The following PALM2AKAP2 variants were observed in gnomAD, a reference collection of about 807,000 sequenced individuals.
The protein encoded by PALM2AKAP2 is PALM2-AKAP2 fusion protein.
Under a neutral mutation model 71.5 loss-of-function variants are expected in PALM2AKAP2, and 37 were observed. The observed-to-expected ratio is 0.52, with a 90% CI of 0.40 to 0.68. PALM2AKAP2 has a LOEUF of 0.68. PALM2AKAP2 is among the 30% of genes least tolerant of loss of function. PALM2AKAP2 has a pLI of 0.00. For missense variants in PALM2AKAP2, 1,224 were observed against 1,191.8 expected (o/e 1.03, Z -0.40); for synonymous variants, 468 against 478.8 (o/e 0.98, Z 0.29).
chr9:109,876,214 T>G (rs1829718197), intron 2 of PALM2AKAP2, among the ~76,000 whole-genome samples: 1 of 152,254 alleles, frequency 6.6e-6, no homozygotes, highest in East Asian at 1.9e-4. Context: ...AGGCAGCCAA[T>G]ACAAGCTAGC....
At chr9:109,819,781 A>G (rs1827947847) in intron 1 of PALM2AKAP2, among the ~76,000 whole-genome samples, 1 of 152,158 alleles carries the variant, frequency 6.6e-6, no homozygotes, top group South Asian at 2.1e-4. Flanking sequence ...CACTGCATAT[A>G]CAAAGATCAG....
intron 6 of PALM2AKAP2, among the ~76,000 whole-genome samples, chr9:110,001,282 A>G (rs1444307755): frequency 6.6e-6 from 1 of 152,130 alleles, no homozygotes; most frequent in East Asian, 1.9e-4. Flanking sequence ...TTGTTTCCCC[A>G]TTTCTTGTTT....
In PALM2AKAP2 at chr9:110,070,537, A is replaced by G. The variant is rs549863657; in HGVS notation, c.156+21682A>G. Among the ~76,000 whole-genome samples, 21 of 152,358 alleles carry G rather than the reference A, an allele frequency of 1.4e-4. No individual in the cohort carries two copies. The South Asian group carries it at 2.9e-3, about 21-fold the overall frequency. On this transcript the variant is annotated intron_variant, in intron 1 of 3. Transcript: ENST00000374525. Reference sequence around the variant, plus strand: ...TCTTTCAGTCGATCCTCTCATTTTTACAGACCAGAGGACTGAGAAAAGTAT... The same window carrying G: ...TCTTTCAGTCGATCCTCTCATTTTTGCAGACCAGAGGACTGAGAAAAGTAT...
At chr9:109,818,846 C>T (rs1384499658) in intron 1 of PALM2AKAP2, among the ~76,000 whole-genome samples, 1 of 152,168 alleles carries the variant, frequency 6.6e-6, no homozygotes, top group Non-Finnish European at 1.5e-5. Flanking sequence ...TTTATGTTGT[C>T]TGTGGCACAG....
chr9:110,095,765 C>G (rs191364069), intron 1 of PALM2AKAP2, among the ~76,000 whole-genome samples: 2 of 152,262 alleles, frequency 1.3e-5, no homozygotes, highest in Non-Finnish European at 2.9e-5. Flanking sequence ...TTTTTCTAGG[C>G]TGAATCACAT....
At chr9:109,943,012 T>G in intron 6 of PALM2AKAP2, 1 of 1,614,176 alleles carries the variant, frequency 6.2e-7, no homozygotes, top group Non-Finnish European at 8.5e-7. Context: ...AGAAGCTAAG[T>G]TAGAAATGGT....
chr9:110,031,594 T>C (rs1833278480), intron 7 of PALM2AKAP2, among the ~76,000 whole-genome samples: 1 of 152,182 alleles, frequency 6.6e-6, no homozygotes, highest in Non-Finnish European at 1.5e-5. Flanking sequence ...CACAACCCTA[T>C]GAGGTGGGTA....
intron 1 of PALM2AKAP2, among the ~76,000 whole-genome samples, chr9:109,753,574 G>A (rs978349100): frequency 1.3e-5 from 2 of 152,168 alleles, no homozygotes; most frequent in African/African-American, 2.4e-5. Context: ...AGCAAGCCAC[G>A]TTGACAGTTT....
chr9:109,644,874 G>T (rs191830500), intron 1 of PALM2AKAP2, among the ~76,000 whole-genome samples: 1 of 152,274 alleles, frequency 6.6e-6, no homozygotes, highest in Admixed American at 6.5e-5. Context: ...CCTCAGCCTG[G>T]ATTTCATTGT....
rs533041767 is a variant in PALM2AKAP2 at position 109,644,463 on chromosome 9, A to G, written c.5+3597A>G. 5.3e-5 allele frequency among the ~76,000 whole-genome samples: 8 copies of G among 152,172 alleles called. No individual in the cohort carries two copies. The East Asian group carries it at 9.7e-4, about 18-fold the overall frequency. ...TTTTATGTTTTAATTTAACCAACAA[A>G]CGTTTGTTGAGATTAGCACTGGTCA... On this transcript the variant is annotated intron_variant, in intron 1 of 6. Transcript: ENST00000374531.
intron 3 of PALM2AKAP2, among the ~76,000 whole-genome samples, chr9:109,907,508 C>T (rs913958997): frequency 6.6e-6 from 1 of 152,272 alleles, no homozygotes; most frequent in South Asian, 2.1e-4. Context: ...ATCTCTGAGC[C>T]GAGTATACCT....
In PALM2AKAP2 at chr9:110,136,330, AC is replaced by A; in HGVS notation, c.365del (p.Pro122ArgfsTer24). The A allele has an allele frequency of 1.9e-6, 3 of 1,613,790 alleles. No individual in the cohort carries two copies. Among genetic ancestry groups the A allele is most frequent in the Non-Finnish European group, 2.5e-6 (3 of 1,179,924 alleles). On this transcript the variant is annotated frameshift_variant, in exon 2 of 4. Coordinates refer to ENST00000374525, the Ensembl canonical transcript of PALM2AKAP2. LOFTEE classifies it high-confidence loss of function. ...TGGACCATCCCTCCGCTTTCTATTCACCCCCGCATAATGGCCTCCTTACTGA... is the reference window on the plus strand; with the variant it reads ...TGGACCATCCCTCCGCTTTCTATTCACCCCGCATAATGGCCTCCTTACTGA...
chr9:110,075,858 TTA>T (rs1409424004), intron 1 of PALM2AKAP2, among the ~76,000 whole-genome samples: 6 of 152,088 alleles, frequency 3.9e-5, no homozygotes, highest in Non-Finnish European at 7.4e-5. Flanking sequence ...GTTATATAAT[TTA>T]TATATGTCTA....
intron 6 of PALM2AKAP2, among the ~76,000 whole-genome samples, chr9:110,014,559 G>A (rs1832938443): frequency 6.6e-6 from 1 of 151,578 alleles, no homozygotes; most frequent in Non-Finnish European, 1.5e-5. Flanking sequence ...CATCACGTGA[G>A]GTCAGGAGTT....
chr9:109,791,260 T>C (rs1441706635), intron 1 of PALM2AKAP2, among the ~76,000 whole-genome samples: 5 of 152,188 alleles, frequency 3.3e-5, no homozygotes, highest in Admixed American at 1.3e-4. Context: ...AGAGAAAATA[T>C]TGACTCTGAA....
At chr9:109,940,389 G>C (rs1342380792) in intron 6 of PALM2AKAP2, among the ~76,000 whole-genome samples, 1 of 152,170 alleles carries the variant, frequency 6.6e-6, no homozygotes, top group Non-Finnish European at 1.5e-5. Flanking sequence ...TATGGAAGAG[G>C]AGGCAGTTGA....
intron 3 of PALM2AKAP2, among the ~76,000 whole-genome samples, chr9:109,914,660 C>T (rs1356151048): frequency 6.6e-6 from 1 of 152,210 alleles, no homozygotes; most frequent in Non-Finnish European, 1.5e-5. Flanking sequence ...GAATTAAGCA[C>T]CTTAAGCCAG....
At chr9:109,864,288 A>G (rs911341858) in intron 1 of PALM2AKAP2, among the ~76,000 whole-genome samples, 26 of 152,350 alleles carry the variant, frequency 1.7e-4, no homozygotes, top group African/African-American at 6.3e-4. Flanking sequence ...TGACTACAGC[A>G]CAAATGGGCT....
intron 2 of PALM2AKAP2, among the ~76,000 whole-genome samples, chr9:110,142,193 T>C (rs1258419481): frequency 2.0e-5 from 3 of 150,662 alleles, no homozygotes; most frequent in African/African-American, 7.3e-5. Context: ...TGCCTCAGCC[T>C]CCTGAATAGC....
Sources: allele counts gnomAD v4.1 joint callset (sites outside exome capture counted in the v4.1 genomes callset), GRCh38; gene constraint gnomAD v4.1.1; transcripts MANE v1.5; gene names NCBI Gene and HGNC (gene_info 2026-07-23, HGNC 2026-07-21).